ZNF497: variants seen among roughly 807,000 people sequenced by gnomAD.
ZNF497 encodes the protein zinc finger-like protein.
For synonymous variants in ZNF497, 422 were observed against 313.7 expected (o/e 1.35, Z -3.65); for missense variants, 930 against 714.0 (o/e 1.30, Z -3.45).
chr19:58,357,458 T>C lies in ZNF497; in HGVS notation c.178A>G (p.Thr60Ala). Residue 60 changes from threonine to alanine, a missense_variant, in exon 3 of 3, where the codon ACA (threonine) becomes GCA (alanine). Transcript: ENST00000311044. ...EAGDGQRQQA[T>A]LGAADEQGGP... ...CCCTGTTCGTCCGCCGCCCCCAGTG[T>C]GGCTTGCTGCCGCTGGCCGTCCCCT... 1 of 1,597,042 alleles carries C rather than the reference T, an allele frequency of 6.3e-7. No individual in the cohort carries two copies. The highest frequency in any genetic ancestry group is 8.5e-7 in the Non-Finnish European group (1 of 1,172,136).
chr19:58,356,856 G>T lies in ZNF497; in HGVS notation c.780C>A (p.Asn260Lys), dbSNP rs764502934. The T allele has an allele frequency of 1.3e-6, 2 of 1,584,776 alleles. No homozygotes were observed. The highest frequency in any genetic ancestry group is 2.3e-5 in the East Asian group (1 of 43,810). The change falls in exon 3 of 3, where the codon AAC becomes AAA. Residue 260 changes from asparagine (N) to lysine (K), a missense_variant. By Grantham distance (94) the Asn-to-Lys change is moderately conservative (BLOSUM62 0). Coordinates refer to ENST00000311044, the MANE Select transcript of ZNF497 (RefSeq NM_198458.3). ...CGTGGATCTTCAGGTGCTCGGCCAG[G>T]TTGGAGCTCTGGCTGAAGGCCTTGC... ...DCGKAFSQSS[N>K]LAEHLKIHAG... is the part of the protein sequence containing the mutation.
intron 1 of ZNF497, chr19:58,359,023 T>C: frequency 3.9e-6 from 2 of 515,186 alleles, no homozygotes; most frequent in Middle Eastern, 6.2e-4. Flanking sequence ...GTGTGCCCAA[T>C]AACTGCTCCA....
Position 58,356,220 on chromosome 19 carries a change from G to A in ZNF497, c.1416C>T (p.Cys472=), listed in dbSNP as rs1568557161. ...RTHTGERPYA[C]GECGKPFSHR... is the part of the protein sequence containing the mutation. Reference sequence around the variant, plus strand: ...GGCTGAAAGGCTTCCCGCACTCGCCGCAAGCGTAGGGCCTCTCGCCCGTGT... The same window carrying A: ...GGCTGAAAGGCTTCCCGCACTCGCCACAAGCGTAGGGCCTCTCGCCCGTGT... The change falls in exon 3 of 3, where the codon TGC becomes TGT. Residue 472 remains cysteine (C), a synonymous_variant. Coordinates refer to ENST00000311044, the MANE Select transcript of ZNF497 (RefSeq NM_198458.3). The A allele has an allele frequency of 1.2e-6, 2 of 1,603,140 alleles. No homozygotes were observed. Among genetic ancestry groups the A allele is most frequent in the Non-Finnish European group, 1.7e-6 (2 of 1,174,216 alleles).
At chr19:58,358,836 A>G (rs1455560345) in intron 1 of ZNF497, 1 of 457,098 alleles carries the variant, frequency 2.2e-6, no homozygotes, top group East Asian at 6.9e-5. Flanking sequence ...GACTGGCCCC[A>G]GTGCTGGCTC....
chr19:58,356,145 C>A lies in ZNF497; in HGVS notation c.1491G>T (p.Ala497=), dbSNP rs1419307897. Residue 497 remains alanine (A), a synonymous_variant, in exon 3 of 3, where the codon GCG becomes GCT. Transcript: ENST00000311044. ...CGCTCAGGGCGTCCTCGGGTCAGGG[C>A]GCAGCGCGGCCCCCGTGCCGCTTCT... ...EHQKRHGGRA[A]P is the part of the protein sequence containing the mutation. 2 of 1,555,466 alleles carry A rather than the reference C, an allele frequency of 1.3e-6. No individual in the cohort carries two copies. The highest frequency in any genetic ancestry group is 1.7e-6 in the Non-Finnish European group (2 of 1,151,092).
At chr19:58,361,455 C>A (rs1200299008) in intron 1 of ZNF497, among the ~76,000 whole-genome samples, 3 of 152,150 alleles carry the variant, frequency 2.0e-5, no homozygotes, top group Non-Finnish European at 4.4e-5. Flanking sequence ...CTCCTGGGTA[C>A]AAGCGATTCT....
Position 58,356,276 on chromosome 19 carries a change from T to TG in ZNF497, c.1359dup (p.Lys454GlnfsTer154). 6.3e-7 allele frequency: 1 copy of TG among 1,591,274 alleles called. No homozygotes were observed. ...CGCCGGTGGCTTAAGAGCTCCGACTTGCGCACGAAGGCCTTGCTGCAGTGG... is the reference window on the plus strand; with the variant it reads ...CGCCGGTGGCTTAAGAGCTCCGACTTGGCGCACGAAGGCCTTGCTGCAGTGG... On this transcript the variant is annotated frameshift_variant, in exon 3 of 3. Coordinates refer to ENST00000311044, the MANE Select transcript of ZNF497 (RefSeq NM_198458.3).
chr19:58,360,656 G>A (rs1599915941), intron 1 of ZNF497, among the ~76,000 whole-genome samples: 1 of 151,700 alleles, frequency 6.6e-6, no homozygotes, highest in Non-Finnish European at 1.5e-5. Context: ...AGCCTCCCCA[G>A]TAGCTGGGAT....
intron 1 of ZNF497, among the ~76,000 whole-genome samples, chr19:58,362,192 C>A (rs952279071): frequency 6.6e-6 from 1 of 152,202 alleles, no homozygotes; most frequent in African/African-American, 2.4e-5. Flanking sequence ...CCCCCAAGGC[C>A]TAGGCTGGAC....
At chr19:58,358,908 G>A (rs930243695) in intron 1 of ZNF497, 1 of 455,082 alleles carries the variant, frequency 2.2e-6, no homozygotes, top group African/African-American at 2.0e-5. Flanking sequence ...CTCATCTGGA[G>A]TCCTGGCCCA....
rs1467386375 is a variant in ZNF497, at chr19:58,359,982, AAAAG to A, written c.-111-1401_-111-1398del. Among the ~76,000 whole-genome samples, 17 of 152,314 alleles carry A rather than the reference AAAAG, an allele frequency of 1.1e-4. No homozygotes were observed. In the East Asian group the frequency reaches 2.5e-3, roughly 22 times the overall value. ...GTGAGACTCTGTCTCAAAAAAAAAA[AAAAG>A]AGAATAAATACTGATACATACTACA... On this transcript the variant is annotated intron_variant, in intron 1 of 2. Coordinates refer to ENST00000311044, the MANE Select transcript of ZNF497 (RefSeq NM_198458.3).
At chr19:58,361,104 GACCT>G (rs1412382747) in intron 1 of ZNF497, among the ~76,000 whole-genome samples, 1 of 151,954 alleles carries the variant, frequency 6.6e-6, no homozygotes, top group Non-Finnish European at 1.5e-5. Context: ...CTGAACTCTT[GACCT>G]CAGATGGTCC....
chr19:58,358,354 C>T (rs755797159), intron 2 of ZNF497, 135 bp downstream of exon 2: 55 of 1,228,656 alleles, frequency 4.5e-5, no homozygotes, highest in South Asian at 5.3e-5. Context: ...CCTGTCCAGC[C>T]GATCCTTCCC....
At chr19:58,360,192 G>A (rs530014616) in intron 1 of ZNF497, among the ~76,000 whole-genome samples, 11 of 152,272 alleles carry the variant, frequency 7.2e-5, no homozygotes, top group South Asian at 2.1e-4. Flanking sequence ...AGATACAGCC[G>A]TGGGAGTGAT....
chr19:58,358,613 G>T, intron 1 of ZNF497, 28 bp from the exon 2 acceptor site: 1 of 1,139,300 alleles, frequency 8.8e-7, no homozygotes, highest in South Asian at 1.5e-5. Context: ...GCAGGGCAGG[G>T]TGAGGTGTTC....
chr19:58,357,048 G>T lies in ZNF497; in HGVS notation c.588C>A (p.Gly196=). The T allele has an allele frequency of 6.2e-7, 1 of 1,610,622 alleles. No homozygotes were observed. ...GCGTGGTGCTTCGGCCGAAGGACTT[G>T]CCGCAGTCCGGGCAGCGGAAGGGCT... ...GLKPFRCPDC[G]KSFGRSTTLV... Residue 196 remains glycine, a synonymous_variant, in exon 3 of 3, where the codon GGC becomes GGA. Coordinates refer to ENST00000311044, the MANE Select transcript of ZNF497 (RefSeq NM_198458.3).
In ZNF497 at chr19:58,355,959, G is replaced by A; in HGVS notation, c.*180C>T. ...CCCAGACAGGCCTGGGTGGCCGGTG[G>A]ACTATCGTCAAAGGGACTGTGCAGC... is the stretch of plus-strand genomic sequence containing the variant. On this transcript the variant is annotated 3_prime_UTR_variant, in exon 3 of 3. Transcript: ENST00000311044. 1.5e-6 allele frequency: 1 copy of A among 673,294 alleles called. No individual in the cohort carries two copies. Among genetic ancestry groups the A allele is most frequent in the Non-Finnish European group, 2.3e-6 (1 of 426,570 alleles). The allele number at this position is 673,294 out of a possible 1,614,324, so 41.7% of individuals were successfully genotyped here. A position where few individuals can be genotyped will look rare whatever the true frequency, so the allele number is the denominator to read the frequency against.
intron 1 of ZNF497, among the ~76,000 whole-genome samples, chr19:58,360,356 A>ATTTCTT (rs146730359): frequency 6.6e-6 from 1 of 151,522 alleles, no homozygotes; most frequent in Admixed American, 6.6e-5. Context: ...GTATGACTCC[A>ATTTCTT]TTTCTTTTTC....
intron 1 of ZNF497, among the ~76,000 whole-genome samples, chr19:58,361,617 A>G (rs1374483763): frequency 6.6e-6 from 1 of 152,182 alleles, no homozygotes; most frequent in Admixed American, 6.5e-5. Context: ...TTGGCCTCCC[A>G]AAGTGCTGGG....
Sources: gnomAD v4.1 joint callset for allele counts (sites outside exome capture counted in the v4.1 genomes callset) on GRCh38, gnomAD v4.1.1 for gene constraint, MANE v1.5 for transcripts, NCBI Gene and HGNC (gene_info 2026-07-23, HGNC 2026-07-21) for gene names.